Variants in FAM171B observed in about 807,000 individuals in gnomAD.
The protein encoded by FAM171B is family with sequence similarity 171 member B, also known as protein FAM171B.
A neutral mutation model predicts 75.6 loss-of-function variants in FAM171B; 19 were observed. That is an observed-to-expected ratio of 0.25 (90% CI 0.18 to 0.37). FAM171B has a LOEUF of 0.37. FAM171B is among the 10% of genes least tolerant of loss of function. The pLI, the probability that FAM171B is intolerant of heterozygous loss-of-function variation, is 1.00. For synonymous variants in FAM171B, 367 were observed against 361.7 expected (o/e 1.01, Z -0.17); for missense variants, 848 against 982.4 (o/e 0.86, Z 1.83).
chr2:186,750,802 T>C (rs1339892972), intron 4 of FAM171B, among the ~76,000 whole-genome samples: 1 of 152,186 alleles, frequency 6.6e-6, no homozygotes, highest in Non-Finnish European at 1.5e-5. Flanking sequence ...AGAGCCTTTA[T>C]GGAATATGGT....
intron 1 of FAM171B, among the ~76,000 whole-genome samples, chr2:186,732,983 A>G (rs1332048671): frequency 6.6e-6 from 1 of 152,154 alleles, no homozygotes; most frequent in Admixed American, 6.5e-5. Context: ...ACCAATTATT[A>G]TTATAGAGAG....
At position 186,747,095 on chromosome 2, in the gene FAM171B, C is replaced by A; in HGVS notation, c.569C>A (p.Ala190Asp). Residue 190 changes from alanine (A) to aspartate (D), a missense_variant, in exon 4 of 8, where the codon GCC (alanine) becomes GAC (aspartate). By Grantham distance (126) the Ala-to-Asp change is moderately radical. This residue lies in a region of FAM171B where 665 missense variants were observed against 729.0 expected (regional missense o/e 0.91). Transcript: ENST00000304698. ...AATGAGGTTTCCTTTTTTCCAGATG[C>A]CAAGTCTCAACCAAGTGTTCAGTTT... ...TVLITGKLAD[A>D]KSQPSVQFSK... 6.3e-7 allele frequency: 1 copy of A among 1,575,786 alleles called. No individual in the cohort carries two copies. Among genetic ancestry groups the A allele is most frequent in the Non-Finnish European group, 8.6e-7 (1 of 1,164,404 alleles).
At chr2:186,748,656 C>T (rs1325288957) in intron 4 of FAM171B, among the ~76,000 whole-genome samples, 1 of 152,182 alleles carries the variant, frequency 6.6e-6, no homozygotes, top group Non-Finnish European at 1.5e-5. Context: ...ACAGTGATAA[C>T]CTGCTTGTTA....
Position 186,694,380 on chromosome 2 carries a change from G to A in FAM171B, c.207G>A (p.Val69=). Residue 69 remains valine, a synonymous_variant, in exon 1 of 8, where the codon GTG becomes GTA. Coordinates refer to ENST00000304698, the MANE Select transcript of FAM171B (RefSeq NM_177454.4). Reference sequence around the variant, plus strand: ...AGGCTGAGGAGGAGAGGACAGAGGTGCCTGGGGCAACCTCCACCTTGACGG... The same window carrying A: ...AGGCTGAGGAGGAGAGGACAGAGGTACCTGGGGCAACCTCCACCTTGACGG... ...LEEAEEERTE[V]PGATSTLTVP... The A allele has an allele frequency of 6.2e-7, 1 of 1,612,684 alleles. No homozygotes were observed. The highest frequency in any genetic ancestry group is 8.5e-7 in the Non-Finnish European group (1 of 1,179,518).
intron 1 of FAM171B, among the ~76,000 whole-genome samples, chr2:186,738,909 TTTA>T (rs1690245943): frequency 6.6e-6 from 1 of 152,296 alleles, no homozygotes; most frequent in Non-Finnish European, 1.5e-5. Context: ...GTTAGGTGAT[TTTA>T]TTGTTTTGTG....
chr2:186,735,515 T>G (rs1169379572), intron 1 of FAM171B, among the ~76,000 whole-genome samples: 2 of 152,170 alleles, frequency 1.3e-5, no homozygotes, highest in Non-Finnish European at 2.9e-5. Context: ...GCTCCTCACA[T>G]CCTCCTAACC....
chr2:186,732,477 A>G (rs922442622), intron 1 of FAM171B, among the ~76,000 whole-genome samples: 1 of 152,204 alleles, frequency 6.6e-6, no homozygotes, highest in Admixed American at 6.5e-5. Context: ...AAAGAATTCA[A>G]CTGACGGGTG....
rs1199502753 is a variant in FAM171B, at chr2:186,762,678, C to T, written c.2336C>T (p.Ser779Leu). 1.1e-5 allele frequency: 17 copies of T among 1,612,740 alleles called. No homozygotes were observed. Among genetic ancestry groups the T allele is most frequent in the South Asian group, 2.2e-5 (2 of 91,028 alleles). ...ATCATGGAGCACCCTGGAGAAGAGT[C>T]GCCAGGAAGGAAAAGCACTGTTGAA... ...GVIMEHPGEESPGRKSTVEDF... is the reference protein window; with the variant it reads ...GVIMEHPGEELPGRKSTVEDF... The change falls in exon 8 of 8, where the codon TCG (serine) becomes TTG (leucine). Residue 779 changes from serine to leucine, a missense_variant. By Grantham distance (145) the Ser-to-Leu change is moderately radical. This residue lies in a region of FAM171B where 136 missense variants were observed against 159.3 expected (regional missense o/e 0.85). Transcript: ENST00000304698. This position sits in a 1 kb window ranked among gnomAD's most constrained non-coding sequence, Gnocchi z 4.0.
intron 2 of FAM171B, among the ~76,000 whole-genome samples, chr2:186,742,464 CT>C (rs1419629665): frequency 1.8e-4 from 27 of 152,110 alleles, no homozygotes; most frequent in Non-Finnish European, 4.4e-5. Flanking sequence ...TGGTAGTTCT[CT>C]TTTCCTATGG....
At chr2:186,737,503 C>A (rs2682862) in intron 1 of FAM171B, among the ~76,000 whole-genome samples, 2 of 152,104 alleles carry the variant, frequency 1.3e-5, no homozygotes, top group Non-Finnish European at 2.9e-5. Context: ...TGTGCCAGTA[C>A]ACCCAGCTAA....
chr2:186,735,017 G>A (rs1236360390), intron 1 of FAM171B, among the ~76,000 whole-genome samples: 1 of 152,230 alleles, frequency 6.6e-6, no homozygotes, highest in Non-Finnish European at 1.5e-5. Context: ...GAGAGCAGAG[G>A]GATGCTGGGG....
intron 1 of FAM171B, among the ~76,000 whole-genome samples, chr2:186,706,025 G>A (rs1689729133): frequency 6.6e-6 from 1 of 152,148 alleles, no homozygotes; most frequent in Non-Finnish European, 1.5e-5. Context: ...TTGGCTCATG[G>A]CTGTTCCACT....
At position 186,762,550 on chromosome 2, in the gene FAM171B, T is replaced by C. The variant is rs1219024118; in HGVS notation, c.2208T>C (p.Leu736=). Residue 736 remains leucine, a synonymous_variant, in exon 8 of 8, where the codon CTT becomes CTC. Transcript: ENST00000304698. The surrounding 1 kb of genome is among the most constrained non-coding windows in gnomAD (Gnocchi z 4.0). ...FIKSMHQPKI[L]YLEDLDLSSS... The stretch of plus-strand genomic sequence containing the variant: ...AAAGCATGCATCAGCCCAAGATCCT[T>C]TACTTAGAAGATTTAGACCTAAGCA... 6.2e-7 allele frequency: 1 copy of C among 1,613,412 alleles called. No individual in the cohort carries two copies. Among genetic ancestry groups the C allele is most frequent in the African/African-American group, 1.3e-5 (1 of 74,870 alleles).
At chr2:186,739,424 T>C (rs1230330957) in intron 1 of FAM171B, among the ~76,000 whole-genome samples, 1 of 152,226 alleles carries the variant, frequency 6.6e-6, no homozygotes, top group East Asian at 1.9e-4. Flanking sequence ...AAACACATTG[T>C]ACAACTGTAC....
chr2:186,757,168 G>T (rs1255795494), intron 6 of FAM171B, among the ~76,000 whole-genome samples: 1 of 152,108 alleles, frequency 6.6e-6, no homozygotes, highest in South Asian at 2.1e-4. Context: ...GAAAGCTACA[G>T]GCTTCTAAGC....
Position 186,762,347 on chromosome 2 carries a change from C to T in FAM171B, c.2005C>T (p.His669Tyr). 1.9e-6 allele frequency: 3 copies of T among 1,613,736 alleles called. No individual in the cohort carries two copies. In the South Asian group the frequency reaches 3.3e-5, roughly 18 times the overall value. Residue 669 changes from histidine to tyrosine, a missense_variant, in exon 8 of 8, where the codon CAT (histidine) becomes TAT (tyrosine). This residue lies in a region of FAM171B where 47 missense variants were observed against 94.0 expected (regional missense o/e 0.50). Transcript: ENST00000304698. This position sits in a 1 kb window ranked among gnomAD's most constrained non-coding sequence, Gnocchi z 4.0. ...LELSKGKPSP[H>Y]PRAWFVSLDG... ...GCTGTCCAAAGGAAAGCCCTCCCCG[C>T]ATCCCAGAGCCTGGTTTGTGTCTCT...
intron 1 of FAM171B, among the ~76,000 whole-genome samples, chr2:186,733,383 GTTTA>G (rs2105783185): frequency 6.6e-6 from 1 of 152,338 alleles, no homozygotes; most frequent in Admixed American, 6.5e-5. Flanking sequence ...CAGAAGATCA[GTTTA>G]TTTATTACTC....
intron 3 of FAM171B, 113 bp downstream of exon 3, chr2:186,743,688 T>A: frequency 2.7e-6 from 2 of 738,132 alleles, no homozygotes; most frequent in Non-Finnish European, 2.3e-6. Context: ...AATTGATCAG[T>A]ATGATTAGCA....
intron 1 of FAM171B, among the ~76,000 whole-genome samples, chr2:186,732,828 T>G (rs912828205): frequency 1.3e-5 from 2 of 152,224 alleles, no homozygotes; most frequent in Non-Finnish European, 2.9e-5. Flanking sequence ...AAGGTCATAT[T>G]TCAGTTAAAC....
Sources: allele counts gnomAD v4.1 joint callset (sites outside exome capture counted in the v4.1 genomes callset), GRCh38; gene constraint gnomAD v4.1.1; regional missense constraint gnomAD v4.1.1; non-coding constraint Gnocchi (gnomAD v3.1); transcripts MANE v1.5; gene names NCBI Gene and HGNC (gene_info 2026-07-23, HGNC 2026-07-21).